Variants in UPP2 observed in about 807,000 individuals in gnomAD.
The protein encoded by UPP2 is UPase 2.
A neutral mutation model predicts 26.7 loss-of-function variants in UPP2; 23 were observed. That is an observed-to-expected ratio of 0.86 (90% CI 0.62 to 1.22). UPP2 has a LOEUF of 1.22. UPP2 is among the 50% of genes most tolerant of loss of function. The pLI, the probability that UPP2 is intolerant of heterozygous loss-of-function variation, is 0.00. For synonymous variants in UPP2, 127 were observed against 141.3 expected, an observed-to-expected ratio of 0.90 and a Z score of 0.72; for missense variants, 387 against 396.7, an observed-to-expected ratio of 0.98 and a Z score of 0.21.
At chr2:158,117,474 C>T (rs1345624568) in intron 3 of UPP2, among the ~76,000 whole-genome samples, 1 of 151,964 alleles carries the variant, frequency 6.6e-6, no homozygotes, top group Non-Finnish European at 1.5e-5. Flanking sequence ...GTGCAAAAAG[C>T]TCTTTTTCAA....
chr2:158,023,749 C>T (rs1683792261), intron 3 of UPP2, among the ~76,000 whole-genome samples: 1 of 5,558 alleles, frequency 1.8e-4, no homozygotes, highest in Non-Finnish European at 3.3e-4. Flanking sequence ...AGGGAGACAC[C>T]ATACACAAGC....
chr2:157,995,322 G>A, intron 2 of UPP2: 1 of 1,552,430 alleles, frequency 6.4e-7, no homozygotes, highest in Non-Finnish European at 8.9e-7. Context: ...CATATTCCAA[G>A]TCTCAGTACA....
At chr2:158,131,128 G>A (rs1683809946) in intron 6 of UPP2, among the ~76,000 whole-genome samples, 1 of 152,200 alleles carries the variant, frequency 6.6e-6, no homozygotes, top group African/African-American at 2.4e-5. Context: ...CAAAGGTAGT[G>A]TTTGCTTAAT....
chr2:158,132,825 T>C (rs1430398151), intron 6 of UPP2, among the ~76,000 whole-genome samples: 1 of 152,064 alleles, frequency 6.6e-6, no homozygotes, highest in Non-Finnish European at 1.5e-5. Flanking sequence ...TGGCGAGGTG[T>C]CGCTTCACAC....
intron 2 of UPP2, among the ~76,000 whole-genome samples, chr2:157,998,347 C>G (rs10933455): frequency 0.67 from 101,509 of 152,062 alleles, 34,419 homozygotes; most frequent in East Asian, 0.98. Flanking sequence ...CTAAGATATT[C>G]AGAAATACTT....
At chr2:158,072,117 C>G (rs1276463406) in intron 3 of UPP2, among the ~76,000 whole-genome samples, 3 of 152,120 alleles carry the variant, frequency 2.0e-5, no homozygotes, top group Admixed American at 2.0e-4. Context: ...GTATGAGTCA[C>G]AGGCCTAGCA....
chr2:158,016,146 ATT>A (rs57865237), intron 3 of UPP2, among the ~76,000 whole-genome samples: 16 of 149,096 alleles, frequency 1.1e-4, no homozygotes, highest in African/African-American at 3.9e-4. Flanking sequence ...AAACTAACAG[ATT>A]TTTTTTTTAA....
chr2:158,105,480 G>A (rs1043704271), intron 1 of UPP2, among the ~76,000 whole-genome samples: 1 of 152,202 alleles, frequency 6.6e-6, no homozygotes, highest in Non-Finnish European at 1.5e-5. Flanking sequence ...TGAGGAGCTT[G>A]CTAGAAATGC....
rs756980693 is a variant in UPP2 at position 158,121,542 on chromosome 2, G to C, written c.588G>C (p.Leu196=). ...TGGACAAAGAACTGTCTGAAGAACT[G>C]TTCAACTGTAGCAAAGAAATCCCCA... The part of the protein sequence containing the change: ...TELDKELSEE[L]FNCSKEIPNF... The change falls in exon 5 of 7, where the codon CTG becomes CTC. Residue 196 remains leucine (L), a synonymous_variant. Coordinates refer to ENST00000005756, the MANE Select transcript of UPP2 (RefSeq NM_173355.4). The C allele has an allele frequency of 1.9e-6, 3 of 1,613,386 alleles. No individual in the cohort carries two copies. In the African/African-American group the frequency reaches 4.0e-5, roughly 22 times the overall value.
At chr2:158,056,335 T>C (rs879771821) in intron 3 of UPP2, among the ~76,000 whole-genome samples, 4 of 152,196 alleles carry the variant, frequency 2.6e-5, no homozygotes, top group Non-Finnish European at 4.4e-5. Context: ...TTACAATTAA[T>C]GATCCAGTAG....
At chr2:158,057,095 G>A (rs1185853416) in intron 3 of UPP2, among the ~76,000 whole-genome samples, 1 of 152,172 alleles carries the variant, frequency 6.6e-6, no homozygotes, top group Non-Finnish European at 1.5e-5. Flanking sequence ...AGGTCACAGA[G>A]GTAAAGTGAT....
In UPP2 at chr2:158,117,952, A is replaced by G; in HGVS notation, c.454+14A>G. The G allele has an allele frequency of 6.3e-7, 1 of 1,579,608 alleles. No individual in the cohort carries two copies. Among genetic ancestry groups the G allele is most frequent in the Non-Finnish European group, 8.7e-7 (1 of 1,148,174 alleles). The stretch of plus-strand genomic sequence containing the variant: ...CAGGGGGAATAGGTGAGACGGATTG[A>G]TGTCTACTATTAGAACTGAGTGATC... On this transcript the variant is annotated intron_variant, in intron 4 of 6. Coordinates refer to ENST00000005756, the MANE Select transcript of UPP2 (RefSeq NM_173355.4).
At chr2:158,123,707 G>A in intron 5 of UPP2, 42 bp from the exon 6 acceptor site, 1 of 1,598,240 alleles carries the variant, frequency 6.3e-7, no homozygotes, top group Non-Finnish European at 8.5e-7. Context: ...CTGTCAGTGG[G>A]GTGGGACATC....
chr2:158,050,683 A>C (rs958437040), intron 3 of UPP2, among the ~76,000 whole-genome samples: 1 of 152,224 alleles, frequency 6.6e-6, no homozygotes, highest in Non-Finnish European at 1.5e-5. Flanking sequence ...ATGCACAAAG[A>C]AAATAAAAAT....
chr2:158,048,922 G>A (rs1682101723), intron 3 of UPP2, among the ~76,000 whole-genome samples: 1 of 152,164 alleles, frequency 6.6e-6, no homozygotes, highest in Non-Finnish European at 1.5e-5. Flanking sequence ...AAGCAGAGCA[G>A]GCTTTTGAAA....
intron 2 of UPP2, among the ~76,000 whole-genome samples, chr2:158,113,532 A>G (rs1444021848): frequency 6.6e-6 from 1 of 152,224 alleles, no homozygotes; most frequent in African/African-American, 2.4e-5. Context: ...AGAAAAGACA[A>G]TATTAAGGGT....
intron 3 of UPP2, among the ~76,000 whole-genome samples, chr2:158,089,620 TG>T (rs1682874937): frequency 6.6e-6 from 1 of 152,214 alleles, no homozygotes; most frequent in African/African-American, 2.4e-5. Flanking sequence ...AAAGGATCCC[TG>T]TGAGACAAAG....
At chr2:158,039,839 A>T (rs902337255) in intron 3 of UPP2, among the ~76,000 whole-genome samples, 4 of 152,202 alleles carry the variant, frequency 2.6e-5, no homozygotes, top group Admixed American at 2.0e-4. Flanking sequence ...AAGGTAAGGA[A>T]TTTCTGTTTT....
Position 158,135,035 on chromosome 2 carries a change from A to G in UPP2, c.*145A>G. The G allele has an allele frequency of 1.0e-6, 1 of 998,710 alleles. No individual in the cohort carries two copies. The highest frequency in any genetic ancestry group is 1.3e-6 in the Non-Finnish European group (1 of 741,136). The allele number at this position is 998,710 out of a possible 1,614,324, so 61.9% of individuals were successfully genotyped here. A position where few individuals can be genotyped will look rare whatever the true frequency, so the allele number is the denominator to read the frequency against. On this transcript the variant is annotated 3_prime_UTR_variant, in exon 7 of 7. Coordinates refer to ENST00000005756, the MANE Select transcript of UPP2 (RefSeq NM_173355.4). ...ACTTTATGAAATCCTTCTCTCTTAA[A>G]AAGGAATTTATTGTAAAAGAATACT...
Sources: allele counts gnomAD v4.1 joint callset (sites outside exome capture counted in the v4.1 genomes callset), GRCh38; gene constraint gnomAD v4.1.1; transcripts MANE v1.5; gene names NCBI Gene and HGNC (gene_info 2026-07-23, HGNC 2026-07-21).